Variants in IMMP2L observed in about 807,000 individuals in gnomAD.
IMMP2L encodes the protein mitochondrial inner membrane protease subunit 2.
A neutral mutation model predicts 19.3 loss-of-function variants in IMMP2L; 18 were observed. The ratio of observed to expected loss-of-function variants is 0.93; its 90% CI spans 0.64 to 1.38. IMMP2L has a LOEUF of 1.38. Ranked by LOEUF, IMMP2L falls within the 40% of genes most tolerant of loss-of-function variation. The pLI, the probability that IMMP2L is intolerant of heterozygous loss-of-function variation, is 0.00. For synonymous variants in IMMP2L, 76 were observed against 73.0 expected (o/e 1.04, Z -0.21); for missense variants, 233 against 218.2 (o/e 1.07, Z -0.43).
rs948670332 is a variant in IMMP2L, at chr7:110,753,753, G to GGT, written c.409-90034_409-90033dup. 9.2e-3 allele frequency among the ~76,000 whole-genome samples: 1,348 copies of GGT among 147,122 alleles called. 10 individuals are homozygous for GGT. The highest frequency in any genetic ancestry group is 0.011 in the Non-Finnish European group (746 of 67,206). Reference sequence around the variant, plus strand: ...TTTGAAAGTGTGTGTGTGAGTGTGGGGTGTGTGTGTGTGTGTGTGTGTGTG... The same window carrying GGT: ...TTTGAAAGTGTGTGTGTGAGTGTGGGGTGTGTGTGTGTGTGTGTGTGTGTGTG... On this transcript the variant is annotated intron_variant, in intron 5 of 5. Transcript: ENST00000405709.
chr7:110,685,413 C>A (rs916647540), intron 5 of IMMP2L, among the ~76,000 whole-genome samples: 1 of 152,140 alleles, frequency 6.6e-6, no homozygotes, highest in African/African-American at 2.4e-5. Flanking sequence ...CTGCTACATA[C>A]TAACTGCTAT....
At chr7:111,276,255 T>A (rs917720887) in intron 3 of IMMP2L, among the ~76,000 whole-genome samples, 1 of 152,124 alleles carries the variant, frequency 6.6e-6, no homozygotes, top group African/African-American at 2.4e-5. Context: ...GATTTACCAA[T>A]TTACATATAT....
intron 1 of IMMP2L, among the ~76,000 whole-genome samples, chr7:111,555,651 T>C (rs1361161131): frequency 5.3e-5 from 8 of 152,114 alleles, no homozygotes; most frequent in Admixed American, 4.6e-4. Context: ...TACAATATTT[T>C]TCTTTCTGCA....
intron 3 of IMMP2L, among the ~76,000 whole-genome samples, chr7:111,180,059 A>G (rs1322647189): frequency 1.3e-5 from 2 of 151,872 alleles, no homozygotes; most frequent in South Asian, 2.1e-4. Flanking sequence ...GAACTCCCAA[A>G]CTTTCTCCAT....
intron 5 of IMMP2L, among the ~76,000 whole-genome samples, chr7:110,794,035 C>T (rs973968920): frequency 2.0e-5 from 3 of 152,066 alleles, no homozygotes; most frequent in Non-Finnish European, 4.4e-5. Flanking sequence ...TAGGAAGTTT[C>T]ATTCATTGCT....
chr7:111,237,994 A>G (rs977381012), intron 3 of IMMP2L, among the ~76,000 whole-genome samples: 1 of 152,086 alleles, frequency 6.6e-6, no homozygotes, highest in African/African-American at 2.4e-5. Context: ...GCTGGCTATT[A>G]TTTTATTAAG....
At chr7:110,957,926 A>G (rs1563111417) in intron 4 of IMMP2L, among the ~76,000 whole-genome samples, 2 of 151,852 alleles carry the variant, frequency 1.3e-5, no homozygotes, top group African/African-American at 2.4e-5. Flanking sequence ...TATGTGTTAT[A>G]TATTTGTTTA....
intron 5 of IMMP2L, among the ~76,000 whole-genome samples, chr7:110,722,188 G>C (rs1403228538): frequency 1.3e-5 from 2 of 152,072 alleles, no homozygotes; most frequent in African/African-American, 2.4e-5. Flanking sequence ...GGTGGGGATG[G>C]AGCGATGAAA....
intron 3 of IMMP2L, among the ~76,000 whole-genome samples, chr7:111,209,396 C>CAAAAA (rs368679362): frequency 2.3e-5 from 2 of 88,586 alleles, no homozygotes; most frequent in Non-Finnish European, 4.2e-5. Context: ...GACTCCTTCT[C>CAAAAA]AAAAAAAAAA....
At chr7:110,730,884 A>T (rs1796230604) in intron 5 of IMMP2L, among the ~76,000 whole-genome samples, 1 of 152,134 alleles carries the variant, frequency 6.6e-6, no homozygotes, top group Admixed American at 6.5e-5. Flanking sequence ...TCACCTTGTG[A>T]TCGTGTGAGT....
At chr7:111,073,692 T>C (rs1586093976) in intron 3 of IMMP2L, among the ~76,000 whole-genome samples, 1 of 152,286 alleles carries the variant, frequency 6.6e-6, no homozygotes, top group East Asian at 1.9e-4. Flanking sequence ...TGGGATTCCA[T>C]TTCCCTTGAG....
intron 3 of IMMP2L, among the ~76,000 whole-genome samples, chr7:111,169,605 C>G (rs949013317): frequency 6.6e-5 from 10 of 151,834 alleles, no homozygotes; most frequent in African/African-American, 2.4e-4. Flanking sequence ...TAACTCCAAT[C>G]TTCCCATAGC....
At chr7:111,423,746 G>T (rs949774866) in intron 3 of IMMP2L, among the ~76,000 whole-genome samples, 3 of 151,664 alleles carry the variant, frequency 2.0e-5, no homozygotes, top group African/African-American at 7.3e-5. Flanking sequence ...ACAATTAAAA[G>T]AACTAGAGAA....
chr7:111,307,988 T>C (rs1466981328), intron 3 of IMMP2L, among the ~76,000 whole-genome samples: 2 of 151,924 alleles, frequency 1.3e-5, no homozygotes, highest in Admixed American at 6.6e-5. Context: ...TTTTAAGAAA[T>C]AGAGATATAG....
chr7:111,090,194 CT>C (rs1176517493), intron 3 of IMMP2L, among the ~76,000 whole-genome samples: 1 of 152,020 alleles, frequency 6.6e-6, no homozygotes, highest in African/African-American at 2.4e-5. Flanking sequence ...GAAATATGCA[CT>C]GCTATGTGTT....
chr7:110,683,157 C>A, intron 5 of IMMP2L, among the ~76,000 whole-genome samples: 1 of 151,950 alleles, frequency 6.6e-6, no homozygotes, highest in East Asian at 1.9e-4. Flanking sequence ...CTAGATAATA[C>A]CTCTTAAAAT....
intron 3 of IMMP2L, among the ~76,000 whole-genome samples, chr7:111,387,241 C>T (rs1831852624): frequency 6.6e-6 from 1 of 152,088 alleles, no homozygotes; most frequent in African/African-American, 2.4e-5. Context: ...TGCAATGGCA[C>T]AGAAAAGGCT....
At chr7:111,139,543 T>C (rs1802670517) in intron 3 of IMMP2L, among the ~76,000 whole-genome samples, 1 of 152,174 alleles carries the variant, frequency 6.6e-6, no homozygotes, top group Non-Finnish European at 1.5e-5. Flanking sequence ...TTTTTAAAAA[T>C]GCTATAGCAA....
At chr7:111,118,479 A>C (rs118103170) in intron 3 of IMMP2L, among the ~76,000 whole-genome samples, 1 of 152,040 alleles carries the variant, frequency 6.6e-6, no homozygotes, top group African/African-American at 2.4e-5. Context: ...TTTGATTTTA[A>C]CGGCCTAAAC....
Sources: allele counts gnomAD v4.1 joint callset (sites outside exome capture counted in the v4.1 genomes callset), GRCh38; gene constraint gnomAD v4.1.1; transcripts MANE v1.5; gene names NCBI Gene and HGNC (gene_info 2026-07-23, HGNC 2026-07-21).